Variants in ACOT11 observed in about 807,000 individuals in gnomAD.
ACOT11 encodes acyl-CoA thioesterase 11.
ACOT11 carries 69 observed loss-of-function variants against 77.5 expected under a neutral mutation model. That is an observed-to-expected ratio of 0.89 (90% confidence interval 0.73 to 1.09). ACOT11 has a LOEUF of 1.09. Among genes scored for constraint, ACOT11 ranks in the 50% least tolerant of loss-of-function variants. The probability of loss-of-function intolerance (pLI) is 0.00; values close to 1 mark genes in which losing one functional copy is unlikely to be tolerated. For synonymous variants in ACOT11, 279 were observed against 313.0 expected (o/e 0.89, Z 1.15); for missense variants, 766 against 813.7 (o/e 0.94, Z 0.71).
chr1:54,597,169 G>A, intron 6 of ACOT11, 90 bp from the exon 7 acceptor site: 1 of 1,528,070 alleles, frequency 6.5e-7, no homozygotes, highest in Non-Finnish European at 8.9e-7. Flanking sequence ...GGGTAGAGTG[G>A]TGGGGGTCCC....
chr1:54,584,354 G>A lies in ACOT11; in HGVS notation c.34-301G>A, dbSNP rs190329587. On this transcript the variant is annotated intron_variant, in intron 1 of 15. Transcript: ENST00000343744. This position sits in a 1 kb window ranked among gnomAD's most constrained non-coding sequence, Gnocchi z 6.3. ...ACTTTAAACAGTTGGCCCAGGAGCT[G>A]AAGCAAGGAGGACTGACTTCTCTGC... Among the ~76,000 whole-genome samples, 83 of 152,332 alleles carry A rather than the reference G, an allele frequency of 5.4e-4. 1 individual carries two copies. Among genetic ancestry groups the A allele is most frequent in the South Asian group, 2.7e-3 (13 of 4,830 alleles).
intron 15 of ACOT11, among the ~76,000 whole-genome samples, chr1:54,629,058 CAAAAAAAAA>C (rs768933265): frequency 2.8e-5 from 1 of 36,018 alleles, no homozygotes; most frequent in African/African-American, 7.6e-5. Context: ...GACTCCGTCT[CAAAAAAAAA>C]AAAAAAAAAA....
chr1:54,633,827 C>T (rs1000939295), intron 16 of ACOT11, among the ~76,000 whole-genome samples: 2 of 152,150 alleles, frequency 1.3e-5, no homozygotes, highest in South Asian at 2.1e-4. Context: ...CACTAGCCCT[C>T]GGCAATTAGC....
chr1:54,593,245 AC>A (rs566177956), intron 4 of ACOT11, among the ~76,000 whole-genome samples: 21 of 152,072 alleles, frequency 1.4e-4, no homozygotes, highest in African/African-American at 5.1e-4. Flanking sequence ...ATGCTCAGGT[AC>A]CCCCAGGTGC....
At chr1:54,612,675 G>A, downstream of ACOT11, 33 of 1,614,036 alleles carry the variant, frequency 2.0e-5, no homozygotes, top group Non-Finnish European at 2.7e-5. Context: ...AGATAGGGTA[G>A]CCTTGGGATA....
intron 1 of ACOT11, among the ~76,000 whole-genome samples, chr1:54,575,047 T>G (rs1461455205): frequency 6.6e-6 from 1 of 152,186 alleles, no homozygotes; most frequent in Non-Finnish European, 1.5e-5. Flanking sequence ...ACTAAGCCCT[T>G]TGACTGAAGA....
At chr1:54,554,367 TTTGAGA>T in intron 1 of ACOT11, among the ~76,000 whole-genome samples, 1 of 131,206 alleles carries the variant, frequency 7.6e-6, no homozygotes, top group African/African-American at 2.7e-5. Context: ...TTTTTTTTTT[TTTGAGA>T]TGGAGTCCTG....
intron 16 of ACOT11, among the ~76,000 whole-genome samples, chr1:54,632,594 A>G (rs1343648322): frequency 6.6e-6 from 1 of 152,232 alleles, no homozygotes; most frequent in African/African-American, 2.4e-5. Flanking sequence ...TGGGAATGGG[A>G]AAAAGTGAAA....
Position 54,584,450 on chromosome 1 carries a change from C to T in ACOT11, c.34-205C>T, listed in dbSNP as rs1654424782. On this transcript the variant is annotated intron_variant, in intron 1 of 15. Transcript: ENST00000343744. The surrounding 1 kb of genome is among the most constrained non-coding windows in gnomAD (Gnocchi z 6.3). ...TGTGCAGTTCTTGGCCAAAAGGAAA[C>T]TGGGCAGAAGCAGCAATCACAGATA... Among the ~76,000 whole-genome samples the T allele has an allele frequency of 6.6e-6, 1 of 152,196 alleles. No homozygotes were observed. Among genetic ancestry groups the T allele is most frequent in the South Asian group, 2.1e-4 (1 of 4,834 alleles).
Position 54,608,964 on chromosome 1 carries a change from A to G in ACOT11, c.1637A>G (p.Tyr546Cys). The G allele has an allele frequency of 1.2e-6, 2 of 1,613,690 alleles. No homozygotes were observed. The highest frequency in any genetic ancestry group is 1.1e-5 in the South Asian group (1 of 91,060). Residue 546 changes from tyrosine (Y) to cysteine (C), a missense_variant, in exon 16 of 16, where the codon TAC (tyrosine) becomes TGC (cysteine). Tyr to Cys is a radical substitution (Grantham distance 194). Transcript: ENST00000343744. ...TGGCTTCCCACCCTGCAGGTATCCT[A>G]CTACAACCAGGCCACCCCAGGTGTT... ...REGDQLTKVS[Y>C]YNQATPGVLN...
chr1:54,576,328 C>T (rs1038138575), intron 1 of ACOT11, among the ~76,000 whole-genome samples: 1 of 151,764 alleles, frequency 6.6e-6, no homozygotes, highest in African/African-American at 2.4e-5. Flanking sequence ...GTCAGGAGCT[C>T]CAGACCAGCC....
At chr1:54,624,311 T>C (rs1046999103) in intron 15 of ACOT11, among the ~76,000 whole-genome samples, 2 of 148,276 alleles carry the variant, frequency 1.3e-5, no homozygotes, top group Non-Finnish European at 3.0e-5. Context: ...TTTGATTGTG[T>C]GTGTGAAAGG....
chr1:54,604,247 A>G (rs1643998998), intron 11 of ACOT11, 99 bp from the exon 12 acceptor site: 4 of 1,139,164 alleles, frequency 3.5e-6, no homozygotes, highest in East Asian at 4.8e-5. Flanking sequence ...CGCCCAACCC[A>G]TTCCTGGCCC....
At chr1:54,613,358 A>G (rs1175618092), downstream of ACOT11, among the ~76,000 whole-genome samples, 1 of 151,970 alleles carries the variant, frequency 6.6e-6, no homozygotes, top group African/African-American at 2.4e-5. Context: ...CAACTTGGGC[A>G]ACAGAGTGAG....
intron 1 of ACOT11, among the ~76,000 whole-genome samples, chr1:54,549,466 C>T (rs767314600): frequency 5.9e-5 from 9 of 152,258 alleles, no homozygotes; most frequent in South Asian, 4.1e-4. Context: ...TGTCTTCTGC[C>T]GGAGTTACCC....
chr1:54,595,069 G>A lies in ACOT11; in HGVS notation c.607+378G>A, dbSNP rs114275753. ...CATCTATAAAAAGCATATATAGGCC[G>A]GGCGTGGTGGCTCATGCTTGTAATC... On this transcript the variant is annotated intron_variant, in intron 6 of 15. Transcript: ENST00000343744. Among the ~76,000 whole-genome samples, 1,095 of 152,238 alleles carry A rather than the reference G, an allele frequency of 7.2e-3. 11 individuals are homozygous for A. Among genetic ancestry groups the A allele is most frequent in the African/African-American group, 0.025 (1,037 of 41,542 alleles).
At position 54,584,619 on chromosome 1, in the gene ACOT11, C is replaced by G. The variant is rs1557656304; in HGVS notation, c.34-36C>G. ...CCTGGGAGACCCTGCAGCAAGCAGA[C>G]CTCTCTGTCCCCACCTGTCCCCACC... On this transcript the variant is annotated intron_variant, in intron 1 of 15. Coordinates refer to ENST00000343744, the MANE Select transcript of ACOT11 (RefSeq NM_147161.4). The surrounding 1 kb of genome is among the most constrained non-coding windows in gnomAD (Gnocchi z 6.3). The G allele has an allele frequency of 2.5e-6, 4 of 1,594,200 alleles. No homozygotes were observed. Among genetic ancestry groups the G allele is most frequent in the Non-Finnish European group, 2.6e-6 (3 of 1,166,764 alleles).
chr1:54,619,792 A>C, intron 15 of ACOT11: 8 of 1,476,520 alleles, frequency 5.4e-6, no homozygotes, highest in Non-Finnish European at 7.5e-6. Flanking sequence ...CCAGTGTCTG[A>C]TCCTCACTTC....
rs1297385251 is a variant in ACOT11, at chr1:54,584,888, C to T, written c.241+26C>T. 2 of 1,593,326 alleles carry T rather than the reference C, an allele frequency of 1.3e-6. No homozygotes were observed. Among genetic ancestry groups the T allele is most frequent in the East Asian group, 2.3e-5 (1 of 43,776 alleles). The stretch of plus-strand genomic sequence containing the variant: ...GTAAGGCTGCGCTCCCCATGGTTCC[C>T]TACCTGCCCCACAGGCCCAGAGCAG... On this transcript the variant is annotated intron_variant, in intron 2 of 15. Coordinates refer to ENST00000343744, the MANE Select transcript of ACOT11 (RefSeq NM_147161.4). The surrounding 1 kb of genome is among the most constrained non-coding windows in gnomAD (Gnocchi z 6.3).
Sources: gnomAD v4.1 joint callset for allele counts (sites outside exome capture counted in the v4.1 genomes callset) on GRCh38, gnomAD v4.1.1 for gene constraint, Gnocchi (gnomAD v3.1) non-coding constraint, MANE v1.5 for transcripts, NCBI Gene and HGNC (gene_info 2026-07-23, HGNC 2026-07-21) for gene names.